ATP6V0D1: variants seen among roughly 807,000 people sequenced by gnomAD.
ATP6V0D1 encodes ATPase H+ transporting V0 subunit d1, also known as V-type proton ATPase subunit d 1.
In ATP6V0D1, 13 loss-of-function variants were observed where a neutral mutation model predicts 39.0. That is an observed-to-expected ratio of 0.33 (90% confidence interval 0.22 to 0.53). ATP6V0D1 has a LOEUF of 0.53. ATP6V0D1 is among the 20% of genes least tolerant of loss of function. The pLI is 0.94. For synonymous variants in ATP6V0D1, 191 were observed against 191.2 expected (o/e 1.00, Z 0.01); for missense variants, 272 against 470.9 (o/e 0.58, Z 3.91).
intron 2 of ATP6V0D1, chr16:67,446,114 TTGG>T (rs1389591216): frequency 2.8e-6 from 1 of 352,898 alleles, no homozygotes; most frequent in Non-Finnish European, 5.7e-6. Flanking sequence ...AGAGAAGACC[TTGG>T]TAGGAGGTGT....
At chr16:67,472,500 C>T (rs1450273208) in intron 1 of ATP6V0D1, among the ~76,000 whole-genome samples, 1 of 152,224 alleles carries the variant, frequency 6.6e-6, no homozygotes, top group East Asian at 1.9e-4. Context: ...GCTCATCTTG[C>T]TGTCCAAGTT....
intron 1 of ATP6V0D1, among the ~76,000 whole-genome samples, chr16:67,467,990 G>C (rs1007670130): frequency 6.6e-5 from 10 of 152,170 alleles, no homozygotes; most frequent in African/African-American, 2.4e-4. Context: ...GGCAGACCTG[G>C]GCCCTCAGGG....
At chr16:67,480,883 G>C in intron 1 of ATP6V0D1, 74 bp downstream of exon 1, 1 of 1,564,204 alleles carries the variant, frequency 6.4e-7, no homozygotes, top group South Asian at 1.2e-5. Context: ...CCCCCTTCCG[G>C]CTTCCCGGCC....
intron 4 of ATP6V0D1, among the ~76,000 whole-genome samples, chr16:67,442,295 C>T (rs921774342): frequency 2.0e-5 from 3 of 152,216 alleles, no homozygotes; most frequent in African/African-American, 7.2e-5. Flanking sequence ...GCAGGTCCCT[C>T]GGCCAGGGCC....
chr16:67,464,246 G>A (rs545455588), intron 1 of ATP6V0D1, among the ~76,000 whole-genome samples: 32 of 152,200 alleles, frequency 2.1e-4, no homozygotes, highest in African/African-American at 6.8e-4. Context: ...ATGACTACCC[G>A]TTCCTGAGTT....
intron 4 of ATP6V0D1, among the ~76,000 whole-genome samples, chr16:67,442,764 C>T (rs898753234): frequency 1.3e-5 from 2 of 152,158 alleles, no homozygotes; most frequent in African/African-American, 4.8e-5. Context: ...TTAGGTAGGG[C>T]GGTTCCAGGG....
chr16:67,450,295 C>T (rs1422145556), intron 2 of ATP6V0D1, among the ~76,000 whole-genome samples: 1 of 152,146 alleles, frequency 6.6e-6, no homozygotes, highest in Non-Finnish European at 1.5e-5. Flanking sequence ...AACCTAAAAA[C>T]CCCCTATTCC....
intron 1 of ATP6V0D1, among the ~76,000 whole-genome samples, chr16:67,469,797 T>C (rs1429582358): frequency 6.6e-6 from 1 of 152,228 alleles, no homozygotes; most frequent in Non-Finnish European, 1.5e-5. Flanking sequence ...TTCACTGTAA[T>C]ACATTTAAAC....
chr16:67,468,763 T>C (rs1346576127), intron 1 of ATP6V0D1, among the ~76,000 whole-genome samples: 1 of 152,148 alleles, frequency 6.6e-6, no homozygotes, highest in Non-Finnish European at 1.5e-5. Flanking sequence ...AAAGCCTTAT[T>C]TACTAAGGGC....
Position 67,478,911 on chromosome 16 carries a change from C to T in ATP6V0D1, c.130+2046G>A, listed in dbSNP as rs75431354. ...AAAGTCAAGAAGGGAAACAACCAAC[C>T]GAATGTCTATTGATGATCAATGATG... is the stretch of plus-strand genomic sequence containing the variant. On this transcript the variant is annotated intron_variant, in intron 1 of 7. Coordinates refer to ENST00000290949, the MANE Select transcript of ATP6V0D1 (RefSeq NM_004691.5). Among the ~76,000 whole-genome samples, 235 of 152,006 alleles carry T rather than the reference C, an allele frequency of 1.5e-3. 2 individuals are homozygous for T. In the East Asian group the frequency reaches 0.028, roughly 18 times the overall value.
rs1314858533 is a variant in ATP6V0D1 at position 67,438,821 on chromosome 16, G to A, written c.866C>T (p.Thr289Met). The A allele has an allele frequency of 9.3e-6, 15 of 1,613,314 alleles. No individual in the cohort carries two copies. The highest frequency in any genetic ancestry group is 2.2e-5 in the South Asian group (2 of 91,056). Residue 289 changes from threonine to methionine, a missense_variant, in exon 7 of 8, where the codon ACG becomes ATG. This residue lies in a region of ATP6V0D1 where 21 missense variants were observed against 16.5 expected (regional missense o/e 1.27). Transcript: ENST00000290949. ...EGAGSNPGDKTLEDRFFEHEV... is the reference protein window; with the variant it reads ...EGAGSNPGDKMLEDRFFEHEV... ...GTGCTCAAAGAATCGGTCCTCCAGC[G>A]TCTTGTCTCCAGGGTTGCTACCTGC...
Position 67,439,486 on chromosome 16 carries a change from G to T in ATP6V0D1, c.562-135C>A, listed in dbSNP as rs55877766. On this transcript the variant is annotated intron_variant, in intron 4 of 7. Transcript: ENST00000290949. ...GTACAAGCACACCCATGGATGGGCC[G>T]GGGCAGCCCTTACAGCAAAGCCAAT... 46 of 785,486 alleles carry T rather than the reference G, an allele frequency of 5.9e-5. No individual in the cohort carries two copies. The South Asian group carries it at 7.2e-4, about 12-fold the overall frequency. The allele number at this position is 785,486 out of a possible 1,614,324, so 48.7% of individuals were successfully genotyped here.
chr16:67,477,826 C>T (rs2041428804), intron 1 of ATP6V0D1, among the ~76,000 whole-genome samples: 1 of 152,112 alleles, frequency 6.6e-6, no homozygotes, highest in Admixed American at 6.5e-5. Context: ...GCACCCGCCA[C>T]CACACAAGGC....
rs1485404503 is a variant in ATP6V0D1 at position 67,447,278 on chromosome 16, G to A, written c.303-2572C>T. ...CCGGGCTGGCTATAAGCTTGTTGCT[G>A]CTGCAGCCCTGCTTTTCTCTCCTGC... On this transcript the variant is annotated intron_variant, in intron 2 of 7. Transcript: ENST00000290949. The surrounding 1 kb of genome is among the most constrained non-coding windows in gnomAD (Gnocchi z 4.1). 2.0e-5 allele frequency among the ~76,000 whole-genome samples: 3 copies of A among 152,248 alleles called. No individual in the cohort carries two copies. The highest frequency in any genetic ancestry group is 4.4e-5 in the Non-Finnish European group (3 of 68,040).
At chr16:67,442,483 T>C (rs75978550) in intron 4 of ATP6V0D1, among the ~76,000 whole-genome samples, 4,378 of 151,604 alleles carry the variant, frequency 0.029, 97 homozygotes, top group South Asian at 0.063. Flanking sequence ...TTTTAAACTT[T>C]CCTCTCCTCT....
At chr16:67,463,076 G>A (rs570126842) in intron 1 of ATP6V0D1, among the ~76,000 whole-genome samples, 1 of 152,310 alleles carries the variant, frequency 6.6e-6, no homozygotes, top group African/African-American at 2.4e-5. Context: ...GGAGCATCCT[G>A]CCAGTTCCAC....
In ATP6V0D1 at chr16:67,444,512, C is replaced by T. The variant is rs372757433; in HGVS notation, c.481+16G>A. 2 of 1,578,088 alleles carry T rather than the reference C, an allele frequency of 1.3e-6. No homozygotes were observed. Among genetic ancestry groups the T allele is most frequent in the African/African-American group, 1.3e-5 (1 of 74,378 alleles). On this transcript the variant is annotated intron_variant, in intron 3 of 7. Coordinates refer to ENST00000290949, the MANE Select transcript of ATP6V0D1 (RefSeq NM_004691.5). The surrounding 1 kb of genome is among the most constrained non-coding windows in gnomAD (Gnocchi z 4.8). ...GACACCACTGCCCACCTCCCATGAC[C>T]ACCACAGCGGCTCACCAAGAGGCGT...
At chr16:67,460,442 C>T (rs926721440) in intron 1 of ATP6V0D1, among the ~76,000 whole-genome samples, 1 of 152,112 alleles carries the variant, frequency 6.6e-6, no homozygotes, top group African/African-American at 2.4e-5. Context: ...CTGGCTGGAT[C>T]TGCAGGGTCA....
At chr16:67,459,410 G>T (rs1399982089) in intron 1 of ATP6V0D1, among the ~76,000 whole-genome samples, 1 of 152,218 alleles carries the variant, frequency 6.6e-6, no homozygotes, top group Non-Finnish European at 1.5e-5. Context: ...GGCCTGGGAA[G>T]GCTGCAGCCC....
Sources: allele counts gnomAD v4.1 joint callset (sites outside exome capture counted in the v4.1 genomes callset), GRCh38; gene constraint gnomAD v4.1.1; regional missense constraint gnomAD v4.1.1; non-coding constraint Gnocchi (gnomAD v3.1); transcripts MANE v1.5; gene names NCBI Gene and HGNC (gene_info 2026-07-23, HGNC 2026-07-21).